The following PPIC variants were observed in gnomAD, a reference collection of about 807,000 sequenced individuals.
PPIC encodes peptidylprolyl isomerase C.
A neutral mutation model predicts 19.5 loss-of-function variants in PPIC; 19 were observed. That is an observed-to-expected ratio of 0.98 (90% CI 0.68 to 1.43). The LOEUF (loss-of-function observed/expected upper bound fraction) is 1.43, where lower values mean the gene tolerates loss of function less well. Ranked by LOEUF, PPIC falls within the 40% of genes most tolerant of loss-of-function variation. The pLI is 0.00. For missense variants in PPIC, 268 were observed against 268.6 expected (o/e 1.00, Z 0.02); for synonymous variants, 107 against 101.2 (o/e 1.06, Z -0.34).
At position 123,036,049 on chromosome 5, in the gene PPIC, C is replaced by A. The variant is rs899903889; in HGVS notation, c.117+460G>T. Among the ~76,000 whole-genome samples, 4 of 152,200 alleles carry A rather than the reference C, an allele frequency of 2.6e-5. No individual in the cohort carries two copies. The highest frequency in any genetic ancestry group is 4.8e-5 in the African/African-American group (2 of 41,448). On this transcript the variant is annotated intron_variant, in intron 1 of 4. Coordinates refer to ENST00000306442, the MANE Select transcript of PPIC (RefSeq NM_000943.5). The surrounding 1 kb of genome is among the most constrained non-coding windows in gnomAD (Gnocchi z 4.5). ...GAAGCCACCGCGGCCAGCGTGGAGA[C>A]CACGCAGCGGGCGGGCGGCTGCAAG...
rs45443209 is a variant in PPIC, at chr5:123,036,332, C to A, written c.117+177G>T. ...AGCTCCCCCAGGGTCTCCCCCGGAG[C>A]GCCGGCCTCCCAGCACGCGAGCAGC... On this transcript the variant is annotated intron_variant, in intron 1 of 4. Transcript: ENST00000306442. The surrounding 1 kb of genome is among the most constrained non-coding windows in gnomAD (Gnocchi z 4.5). 789 of 612,416 alleles carry A rather than the reference C, an allele frequency of 1.3e-3. 4 individuals carry two copies. In the African/African-American group the frequency reaches 0.013, roughly 10 times the overall value. 37.9% of individuals were successfully genotyped at this position (612,416 alleles called of 1,614,324 possible). A position where few individuals can be genotyped will look rare whatever the true frequency, so the allele number is the denominator to read the frequency against.
Position 123,029,303 on chromosome 5 carries a change from A to G in PPIC, c.231+2T>C. The G allele has an allele frequency of 1.2e-6, 2 of 1,614,098 alleles. No individual in the cohort carries two copies. The highest frequency in any genetic ancestry group is 1.7e-6 in the Non-Finnish European group (2 of 1,179,986). Reference sequence around the variant, plus strand: ...TTTAAAGGAAATAAAATTGAGACATACCTCTCCTGTTGCTAGAGCAACAAA... The same window carrying G: ...TTTAAAGGAAATAAAATTGAGACATGCCTCTCCTGTTGCTAGAGCAACAAA... On this transcript the variant is annotated splice_donor_variant, in intron 2 of 4. Transcript: ENST00000306442. LOFTEE classifies it high-confidence loss of function.
chr5:123,034,679 C>G (rs1762981980), intron 1 of PPIC, among the ~76,000 whole-genome samples: 1 of 152,196 alleles, frequency 6.6e-6, no homozygotes, highest in South Asian at 2.1e-4. Context: ...CATTGTTAAT[C>G]TGATATTCAC....
rs1263531160 is a variant in PPIC, at chr5:123,028,860, A to C, written c.240T>G (p.Tyr80Ter). The change falls in exon 3 of 5, where the codon TAT (tyrosine) becomes TAG (stop). Residue 80 changes from tyrosine (Y) to a stop codon, truncating the protein, a stop_gained. Transcript: ENST00000306442. LOFTEE classifies it high-confidence loss of function. ...GATGAAACTTGCTTCCTTTATATCC[A>C]TATCCTTTCTAAAGAGATTACTTCA... The part of the protein sequence containing the change: ...FVALATGEKG[Y>*]GYKGSKFHRV... 3.7e-6 allele frequency: 6 copies of C among 1,606,538 alleles called. No individual in the cohort carries two copies. Among genetic ancestry groups the C allele is most frequent in the Non-Finnish European group, 4.3e-6 (5 of 1,173,324 alleles).
chr5:123,036,690 G>A lies in PPIC; in HGVS notation c.-65C>T. ...CGGCACGGGCGCGACACAGGCTCTG[G>A]GACAGCTGACGGGACTGCCGGCCGG... On this transcript the variant is annotated 5_prime_UTR_variant, in exon 1 of 5. Coordinates refer to ENST00000306442, the MANE Select transcript of PPIC (RefSeq NM_000943.5). The surrounding 1 kb of genome is among the most constrained non-coding windows in gnomAD (Gnocchi z 4.5). The A allele has an allele frequency of 1.4e-6, 2 of 1,406,034 alleles. No homozygotes were observed. The highest frequency in any genetic ancestry group is 2.0e-5 in the Admixed American group (1 of 49,460). 87.1% of individuals were successfully genotyped at this position (1,406,034 alleles called of 1,614,324 possible).
chr5:123,024,194 T>C (rs926558606), intron 4 of PPIC, among the ~76,000 whole-genome samples, 191 bp from the exon 5 acceptor site: 3 of 152,148 alleles, frequency 2.0e-5, no homozygotes, highest in Admixed American at 1.3e-4. Context: ...TTAGAAAATA[T>C]ATACATCACA....
intron 1 of PPIC, among the ~76,000 whole-genome samples, chr5:123,033,484 C>T (rs190422857): frequency 3.3e-4 from 51 of 152,334 alleles, no homozygotes; most frequent in Non-Finnish European, 3.1e-4. Context: ...CACCTGCCTG[C>T]TCCCTATCAC....
intron 1 of PPIC, among the ~76,000 whole-genome samples, chr5:123,035,619 T>G (rs1335043326): frequency 1.3e-5 from 2 of 152,184 alleles, no homozygotes; most frequent in Non-Finnish European, 2.9e-5. Flanking sequence ...TGAAGACCAC[T>G]TTCAGCTGCA....
At chr5:123,031,264 AAAAT>A (rs1762937869) in intron 1 of PPIC, among the ~76,000 whole-genome samples, 1 of 152,234 alleles carries the variant, frequency 6.6e-6, no homozygotes, top group African/African-American at 2.4e-5. Flanking sequence ...AAGGCAGTTT[AAAAT>A]AAAGAGATAG....
chr5:123,025,710 G>A, intron 4 of PPIC, 74 bp downstream of exon 4: 1 of 1,434,108 alleles, frequency 7.0e-7, no homozygotes. Flanking sequence ...CATATTTTAA[G>A]ATTAAAATAA....
chr5:123,036,398 C>A lies in PPIC; in HGVS notation c.117+111G>T. 9.8e-7 allele frequency: 1 copy of A among 1,018,194 alleles called. No individual in the cohort carries two copies. Among genetic ancestry groups the A allele is most frequent in the Non-Finnish European group, 1.5e-6 (1 of 679,510 alleles). 63.1% of individuals were successfully genotyped at this position (1,018,194 alleles called of 1,614,324 possible). A position where few individuals can be genotyped will look rare whatever the true frequency, so the allele number is the denominator to read the frequency against. ...CCCGCGGCCGCCTCCAGTCCCCCTGCGCCCGGGAAGCCTCCACCTCGCCCG... is the reference window on the plus strand; with the variant it reads ...CCCGCGGCCGCCTCCAGTCCCCCTGAGCCCGGGAAGCCTCCACCTCGCCCG... On this transcript the variant is annotated intron_variant, in intron 1 of 4. Transcript: ENST00000306442. This position sits in a 1 kb window ranked among gnomAD's most constrained non-coding sequence, Gnocchi z 4.5.
At chr5:123,030,849 C>T (rs928207517) in intron 1 of PPIC, among the ~76,000 whole-genome samples, 1 of 151,998 alleles carries the variant, frequency 6.6e-6, no homozygotes, top group Non-Finnish European at 1.5e-5. Context: ...AAGCAGCACC[C>T]GGAAGCCAGA....
rs2150191657 is a variant in PPIC, at chr5:123,036,409, C to A, written c.117+100G>T. 8.9e-7 allele frequency: 1 copy of A among 1,121,496 alleles called. No individual in the cohort carries two copies. Among genetic ancestry groups the A allele is most frequent in the Non-Finnish European group, 1.3e-6 (1 of 768,746 alleles). 69.5% of individuals were successfully genotyped at this position (1,121,496 alleles called of 1,614,324 possible). On this transcript the variant is annotated intron_variant, in intron 1 of 4. Coordinates refer to ENST00000306442, the MANE Select transcript of PPIC (RefSeq NM_000943.5). The surrounding 1 kb of genome is among the most constrained non-coding windows in gnomAD (Gnocchi z 4.5). ...CTCCAGTCCCCCTGCGCCCGGGAAG[C>A]CTCCACCTCGCCCGCCCTGACACCG...
At chr5:123,024,153 A>ACCC in intron 4 of PPIC, 150 bp from the exon 5 acceptor site, 1 of 104,228 alleles carries the variant, frequency 9.6e-6, no homozygotes. Flanking sequence ...AGCGTTTTTT[A>ACCC]TGCACGCTAA....
chr5:123,029,847 GAAAA>G (rs896955516), intron 1 of PPIC, among the ~76,000 whole-genome samples: 5 of 152,104 alleles, frequency 3.3e-5, no homozygotes, highest in African/African-American at 9.7e-5. Context: ...CAGGACAAAA[GAAAA>G]AAGTTGTGAG....
At chr5:123,029,039 A>G in intron 2 of PPIC, 171 bp from the exon 3 acceptor site, 1 of 823,078 alleles carries the variant, frequency 1.2e-6, no homozygotes, top group South Asian at 1.9e-5. Context: ...TGACCAAAAA[A>G]TAAATATGTT....
At chr5:123,024,158 C>T (rs1044982124) in intron 4 of PPIC, among the ~76,000 whole-genome samples, 155 bp from the exon 5 acceptor site, 35 of 122,862 alleles carry the variant, frequency 2.8e-4, no homozygotes, top group Non-Finnish European at 4.2e-4. Context: ...TTTTTATGCA[C>T]GCTAACTGTG....
At position 123,029,067 on chromosome 5, in the gene PPIC, A is replaced by G. The variant is rs952164861; in HGVS notation, c.232-199T>C. 4 of 844,554 alleles carry G rather than the reference A, an allele frequency of 4.7e-6. No homozygotes were observed. In the African/African-American group the frequency reaches 6.9e-5, roughly 14 times the overall value. The allele number at this position is 844,554 out of a possible 1,614,324, so 52.3% of individuals were successfully genotyped here. A position where few individuals can be genotyped will look rare whatever the true frequency, so the allele number is the denominator to read the frequency against. On this transcript the variant is annotated intron_variant, in intron 2 of 4. Transcript: ENST00000306442. ...AATATGTTATGGAAGTAGAGTATTA[A>G]TGTGAATAAGTTAAAAGAGAGCAAA...
At chr5:123,028,592 C>T (rs1561750219) in intron 3 of PPIC, 183 bp downstream of exon 3, 1 of 471,104 alleles carries the variant, frequency 2.1e-6, no homozygotes, top group Non-Finnish European at 3.8e-6. Flanking sequence ...AATAAGGACG[C>T]CTCCCTCATA....
Sources: allele counts gnomAD v4.1 joint callset (sites outside exome capture counted in the v4.1 genomes callset), GRCh38; gene constraint gnomAD v4.1.1; non-coding constraint Gnocchi (gnomAD v3.1); transcripts MANE v1.5; gene names NCBI Gene and HGNC (gene_info 2026-07-23, HGNC 2026-07-21).